PPP1R14D: variants seen among roughly 807,000 people sequenced by gnomAD.
PPP1R14D encodes the protein protein phosphatase 1 regulatory inhibitor subunit 14D.
PPP1R14D carries 14 observed loss-of-function variants against 17.1 expected under a neutral mutation model. The observed-to-expected ratio is 0.82, with a 90% CI of 0.54 to 1.28. The LOEUF (loss-of-function observed/expected upper bound fraction) is 1.28. Among genes scored for constraint, PPP1R14D ranks in the 50% most tolerant of loss-of-function variants. PPP1R14D has a pLI of 0.00. For missense variants in PPP1R14D, 173 were observed against 179.2 expected (o/e 0.97, Z 0.20); for synonymous variants, 67 against 66.1 (o/e 1.01, Z -0.06).
At chr15:40,819,306 G>A (rs1324650951) in intron 1 of PPP1R14D, among the ~76,000 whole-genome samples, 2 of 152,228 alleles carry the variant, frequency 1.3e-5, no homozygotes, top group African/African-American at 4.8e-5. Flanking sequence ...TTGGCCAGGC[G>A]CGAGGCTGAG....
chr15:40,826,956 A>G (rs1890878674), intron 1 of PPP1R14D, among the ~76,000 whole-genome samples: 1 of 152,212 alleles, frequency 6.6e-6, no homozygotes. Context: ...TCTAGAATCC[A>G]GGTTTAAAGG....
chr15:40,818,214 G>A (rs1413261543), intron 1 of PPP1R14D, among the ~76,000 whole-genome samples: 2 of 150,796 alleles, frequency 1.3e-5, no homozygotes, highest in Non-Finnish European at 3.0e-5. Context: ...GTGTGAACCC[G>A]GGAGGCAGAG....
intron 1 of PPP1R14D, among the ~76,000 whole-genome samples, chr15:40,820,483 A>G (rs904335171): frequency 6.6e-5 from 10 of 152,062 alleles, no homozygotes; most frequent in Non-Finnish European, 1.3e-4. Context: ...TAAAAAGCAG[A>G]GCCAGAAAAG....
chr15:40,822,292 C>G (rs942369779), intron 1 of PPP1R14D, among the ~76,000 whole-genome samples: 6 of 151,138 alleles, frequency 4.0e-5, no homozygotes, highest in African/African-American at 1.5e-4. Context: ...CAAGTCCAGC[C>G]TGGGAAACAT....
intron 1 of PPP1R14D, among the ~76,000 whole-genome samples, chr15:40,828,001 C>G (rs1177955625): frequency 6.6e-6 from 1 of 152,080 alleles, no homozygotes; most frequent in East Asian, 1.9e-4. Context: ...GAAAATGTAG[C>G]TCCGGACATG....
At chr15:40,824,511 C>G (rs796332574) in intron 1 of PPP1R14D, among the ~76,000 whole-genome samples, 8 of 152,050 alleles carry the variant, frequency 5.3e-5, no homozygotes, top group African/African-American at 1.9e-4. Flanking sequence ...GTTGGAACCA[C>G]AGGCACGCAC....
intron 1 of PPP1R14D, among the ~76,000 whole-genome samples, chr15:40,823,184 T>C (rs1890811180): frequency 6.6e-6 from 1 of 151,628 alleles, no homozygotes; most frequent in South Asian, 2.1e-4. Flanking sequence ...GGCTGGTCTC[T>C]AACTCCTGAC....
At chr15:40,818,661 G>A (rs1022389460) in intron 1 of PPP1R14D, among the ~76,000 whole-genome samples, 1 of 152,170 alleles carries the variant, frequency 6.6e-6, no homozygotes, top group African/African-American at 2.4e-5. Flanking sequence ...GCTGGAAAAA[G>A]TATGGCGATA....
chr15:40,821,455 G>A (rs1890775537), intron 1 of PPP1R14D, among the ~76,000 whole-genome samples: 1 of 151,748 alleles, frequency 6.6e-6, no homozygotes, highest in South Asian at 2.1e-4. Flanking sequence ...AAAAAAAAAG[G>A]TCAGTTGAAG....
rs143181906 is a variant in PPP1R14D at position 40,820,340 on chromosome 15, G to T, written c.256-4087C>A. Among the ~76,000 whole-genome samples the T allele has an allele frequency of 3.3e-3, 491 of 150,800 alleles. 22 individuals carry two copies. In the East Asian group the frequency reaches 0.087, roughly 27 times the overall value. On this transcript the variant is annotated intron_variant, in intron 1 of 3. Coordinates refer to ENST00000299174, the MANE Select transcript of PPP1R14D (RefSeq NM_017726.8). ...TGCCTGGCTAGTTTTTGTATTTTTA[G>T]TAGAGATGGGGTTTTACCATGTTGA... is the stretch of plus-strand genomic sequence containing the variant.
rs909091919 is a variant in PPP1R14D at position 40,819,462 on chromosome 15, T to C, written c.256-3209A>G. ...TATTTGGGAGGCTGAGGCAGGAGAA[T>C]GGCTTGAACTCGGGAAGTGAGCCAA... On this transcript the variant is annotated intron_variant, in intron 1 of 3. Coordinates refer to ENST00000299174, the MANE Select transcript of PPP1R14D (RefSeq NM_017726.8). Among the ~76,000 whole-genome samples the C allele has an allele frequency of 3.3e-5, 5 of 150,168 alleles. No homozygotes were observed. The Admixed American group carries it at 3.4e-4, about 10-fold the overall frequency.
intron 1 of PPP1R14D, among the ~76,000 whole-genome samples, chr15:40,822,018 C>G (rs1890786590): frequency 6.6e-6 from 1 of 152,140 alleles, no homozygotes; most frequent in African/African-American, 2.4e-5. Flanking sequence ...TGGCTTATGC[C>G]TGTAATCCCA....
intron 1 of PPP1R14D, among the ~76,000 whole-genome samples, chr15:40,825,739 A>T (rs1295279968): frequency 6.6e-6 from 1 of 152,212 alleles, no homozygotes; most frequent in Non-Finnish European, 1.5e-5. Context: ...GGGCTTCCCC[A>T]GCCACTTAAC....
chr15:40,819,264 A>T (rs1373420494), intron 1 of PPP1R14D, among the ~76,000 whole-genome samples: 1 of 152,216 alleles, frequency 6.6e-6, no homozygotes, highest in Non-Finnish European at 1.5e-5. Flanking sequence ...ACAAATGTCA[A>T]CGTACTGAAA....
At chr15:40,824,874 G>A (rs1890844224) in intron 1 of PPP1R14D, among the ~76,000 whole-genome samples, 1 of 152,134 alleles carries the variant, frequency 6.6e-6, no homozygotes, top group South Asian at 2.1e-4. Context: ...TCAAAAGAGT[G>A]GTGGAAACAG....
intron 1 of PPP1R14D, among the ~76,000 whole-genome samples, chr15:40,818,553 A>G (rs1223108641): frequency 6.6e-6 from 1 of 152,192 alleles, no homozygotes; most frequent in African/African-American, 2.4e-5. Flanking sequence ...GCACCTGTAT[A>G]GTCCCAAGGA....
At chr15:40,825,280 T>C (rs1245495021) in intron 1 of PPP1R14D, among the ~76,000 whole-genome samples, 4 of 145,260 alleles carry the variant, frequency 2.8e-5, no homozygotes, top group East Asian at 4.0e-4. Flanking sequence ...AGTGAAACTC[T>C]GTCTCAAAAA....
rs1397141450 is a variant in PPP1R14D at position 40,815,966 on chromosome 15, G to T, written c.368C>A (p.Thr123Lys). 2.5e-6 allele frequency: 4 copies of T among 1,613,938 alleles called. No individual in the cohort carries two copies. The highest frequency in any genetic ancestry group is 2.7e-5 in the African/African-American group (2 of 74,888). The part of the protein sequence containing the change: ...EAILGNCPRP[T>K]EAFISELLSQ... Reference sequence around the variant, plus strand: ...CAGCAGAAGAACATCCCTTACCTCTGTGGGGCGGGGGCAGTTCCCAAGAAT... The same window carrying T: ...CAGCAGAAGAACATCCCTTACCTCTTTGGGGCGGGGGCAGTTCCCAAGAAT... Residue 123 changes from threonine (T) to lysine (K), a missense_variant, in exon 3 of 4, where the codon ACA (threonine) becomes AAA (lysine). By Grantham distance (78) the Thr-to-Lys change is moderately conservative. Coordinates refer to ENST00000299174, the MANE Select transcript of PPP1R14D (RefSeq NM_017726.8).
rs374268942 is a variant in PPP1R14D, at chr15:40,825,247, T to C, written c.255+3140A>G. ...TTGCAGTGAGCCAAGGTCATGCCAT[T>C]GTACTCCAGCCTGGGCAACAAGAGT... On this transcript the variant is annotated intron_variant, in intron 1 of 3. Coordinates refer to ENST00000299174, the MANE Select transcript of PPP1R14D (RefSeq NM_017726.8). 7.6e-4 allele frequency among the ~76,000 whole-genome samples: 115 copies of C among 150,416 alleles called. 4 individuals are homozygous for C. The South Asian group carries it at 0.024, about 31-fold the overall frequency.
Sources: gnomAD v4.1 joint callset for allele counts (sites outside exome capture counted in the v4.1 genomes callset) on GRCh38, gnomAD v4.1.1 for gene constraint, MANE v1.5 for transcripts, NCBI Gene and HGNC (gene_info 2026-07-23, HGNC 2026-07-21) for gene names.